CNTN5: variants seen among roughly 807,000 people sequenced by gnomAD.
CNTN5 encodes the protein contactin-5.
CNTN5 carries 77 observed loss-of-function variants against 129.1 expected under a neutral mutation model. That is an observed-to-expected ratio of 0.60 (90% CI 0.50 to 0.72). The LOEUF (loss-of-function observed/expected upper bound fraction) is 0.72, where lower values mean the gene tolerates loss of function less well. Among genes scored for constraint, CNTN5 ranks in the 30% least tolerant of loss-of-function variants. The probability of loss-of-function intolerance (pLI) is 0.00; values close to 1 mark genes in which losing one functional copy is unlikely to be tolerated. For synonymous variants in CNTN5, 509 were observed against 465.6 expected (o/e 1.09, Z -1.20); for missense variants, 1,478 against 1,328.8 (o/e 1.11, Z -1.75).
chr11:99,251,633 GCTATAA>G (rs1400428167), intron 1 of CNTN5, among the ~76,000 whole-genome samples: 8 of 151,832 alleles, frequency 5.3e-5, no homozygotes, highest in African/African-American at 1.7e-4. Flanking sequence ...GATTTCTAGG[GCTATAA>G]CTATAACAAT....
intron 3 of CNTN5, among the ~76,000 whole-genome samples, chr11:99,651,829 T>G (rs2135883082): frequency 6.6e-6 from 1 of 152,110 alleles, no homozygotes; most frequent in African/African-American, 2.4e-5. Flanking sequence ...TGTTTTTTAC[T>G]TACCCATATG....
intron 6 of CNTN5, among the ~76,000 whole-genome samples, chr11:99,872,798 C>T (rs1300652961): frequency 2.0e-5 from 3 of 152,048 alleles, no homozygotes; most frequent in Admixed American, 6.6e-5. Flanking sequence ...GATATCTTTA[C>T]TTTTATGTCT....
chr11:99,345,029 G>A (rs1937729504), intron 2 of CNTN5, among the ~76,000 whole-genome samples: 1 of 152,102 alleles, frequency 6.6e-6, no homozygotes, highest in African/African-American at 2.4e-5. Flanking sequence ...ACATAGTCAA[G>A]ACCCCTGGAC....
intron 2 of CNTN5, among the ~76,000 whole-genome samples, chr11:99,449,026 G>T (rs1022913205): frequency 6.6e-6 from 1 of 151,784 alleles, no homozygotes; most frequent in Non-Finnish European, 1.5e-5. Context: ...CAAGCGATTC[G>T]CCTGTCTTGG....
At chr11:99,875,238 A>G (rs1377449489) in intron 6 of CNTN5, among the ~76,000 whole-genome samples, 1 of 152,154 alleles carries the variant, frequency 6.6e-6, no homozygotes, top group Admixed American at 6.5e-5. Flanking sequence ...CATCTCACAT[A>G]CACACGTGAA....
chr11:99,059,433 C>G (rs868689426), intron 1 of CNTN5, among the ~76,000 whole-genome samples: 1 of 152,212 alleles, frequency 6.6e-6, no homozygotes, highest in South Asian at 2.1e-4. Flanking sequence ...TACCAGCATG[C>G]AAACAGATTT....
rs116474126 is a variant in CNTN5 at position 99,891,219 on chromosome 11, G to T, written c.578-24835G>T. 3.3e-3 allele frequency among the ~76,000 whole-genome samples: 509 copies of T among 152,174 alleles called. 3 individuals carry two copies. The highest frequency in any genetic ancestry group is 0.012 in the African/African-American group (484 of 41,532). On this transcript the variant is annotated intron_variant, in intron 6 of 24. Coordinates refer to ENST00000524871, the MANE Select transcript of CNTN5 (RefSeq NM_014361.4). ...ATATTTATGTAAGATAAGGGAATCTGGATGTGGGTATATGGGGACTTTCTT... is the reference window on the plus strand; with the variant it reads ...ATATTTATGTAAGATAAGGGAATCTTGATGTGGGTATATGGGGACTTTCTT...
In CNTN5 at chr11:99,377,375, G is replaced by C. The variant is rs192554328; in HGVS notation, c.-71+51891G>C. On this transcript the variant is annotated intron_variant, in intron 2 of 24. Coordinates refer to ENST00000524871, the MANE Select transcript of CNTN5 (RefSeq NM_014361.4). ...ATTATTGTTAAAAGTCTATGAAATT[G>C]TTTATGTCTGGTAGAGAATGCTGCT... Among the ~76,000 whole-genome samples the C allele has an allele frequency of 3.3e-3, 507 of 152,098 alleles. 3 individuals are homozygous for C. Among genetic ancestry groups the C allele is most frequent in the African/African-American group, 0.011 (466 of 41,542 alleles).
intron 2 of CNTN5, among the ~76,000 whole-genome samples, chr11:99,382,574 G>A (rs1226173957): frequency 6.6e-6 from 1 of 152,028 alleles, no homozygotes; most frequent in Non-Finnish European, 1.5e-5. Flanking sequence ...GCTTTTACGA[G>A]ACTTATTTGT....
intron 16 of CNTN5, 176 bp downstream of exon 16, chr11:100,224,988 C>T (rs1949341890): frequency 2.1e-6 from 1 of 476,244 alleles, no homozygotes; most frequent in East Asian, 3.3e-5. Context: ...AAAACTCCTC[C>T]TTAGTAACAG....
intron 7 of CNTN5, among the ~76,000 whole-genome samples, chr11:99,952,222 G>A (rs1950692973): frequency 6.6e-6 from 1 of 152,136 alleles, no homozygotes; most frequent in African/African-American, 2.4e-5. Flanking sequence ...CAAAGTGGTA[G>A]GATTGGGTAC....
chr11:99,825,205 T>C (rs1219063361), intron 4 of CNTN5, among the ~76,000 whole-genome samples: 1 of 152,020 alleles, frequency 6.6e-6, no homozygotes, highest in Non-Finnish European at 1.5e-5. Flanking sequence ...GACTCTTTAA[T>C]TTCTTTAGGA....
chr11:99,674,984 A>G (rs1953209690), intron 3 of CNTN5, among the ~76,000 whole-genome samples: 1 of 151,532 alleles, frequency 6.6e-6, no homozygotes, highest in African/African-American at 2.4e-5. Context: ...ATTCCCAAAT[A>G]AATTCATTAT....
intron 1 of CNTN5, among the ~76,000 whole-genome samples, chr11:99,256,149 T>C (rs1338475360): frequency 6.6e-6 from 1 of 152,140 alleles, no homozygotes; most frequent in Admixed American, 6.5e-5. Context: ...GAAAATAAAA[T>C]GAAGTGAAAA....
At chr11:99,036,587 T>C (rs906830541) in intron 1 of CNTN5, among the ~76,000 whole-genome samples, 6 of 152,132 alleles carry the variant, frequency 3.9e-5, no homozygotes, top group African/African-American at 1.4e-4. Context: ...TATGAGTGGA[T>C]CTTGAAGTAG....
chr11:99,722,144 C>G (rs1943193579), intron 3 of CNTN5, among the ~76,000 whole-genome samples: 1 of 151,978 alleles, frequency 6.6e-6, no homozygotes, highest in East Asian at 1.9e-4. Context: ...TATACCATGA[C>G]AAATATAAAT....
chr11:99,285,190 G>A (rs903486401), intron 1 of CNTN5, among the ~76,000 whole-genome samples: 2 of 151,966 alleles, frequency 1.3e-5, no homozygotes, highest in African/African-American at 2.4e-5. Flanking sequence ...AGATAAATGA[G>A]TTTATTTTCT....
intron 2 of CNTN5, among the ~76,000 whole-genome samples, chr11:99,368,552 C>A (rs1939607957): frequency 6.6e-6 from 1 of 151,918 alleles, no homozygotes; most frequent in Non-Finnish European, 1.5e-5. Flanking sequence ...AGATCATATA[C>A]TGACAATTAT....
At chr11:100,171,678 G>A (rs1947829958) in intron 13 of CNTN5, among the ~76,000 whole-genome samples, 1 of 151,928 alleles carries the variant, frequency 6.6e-6, no homozygotes, top group Non-Finnish European at 1.5e-5. Context: ...AGAACCCAGT[G>A]CAAAGTCACT....
Sources: gnomAD v4.1 joint callset for allele counts (sites outside exome capture counted in the v4.1 genomes callset) on GRCh38, gnomAD v4.1.1 for gene constraint, MANE v1.5 for transcripts, NCBI Gene and HGNC (gene_info 2026-07-23, HGNC 2026-07-21) for gene names.